Variants in RMDN2 observed in about 807,000 individuals in gnomAD.
RMDN2 encodes the protein regulator of microtubule dynamics protein 2.
A neutral mutation model predicts 52.8 loss-of-function variants in RMDN2; 61 were observed. The observed-to-expected ratio is 1.16, with a 90% confidence interval of 0.94 to 1.43. The LOEUF is 1.43. Among genes scored for constraint, RMDN2 ranks in the 40% most tolerant of loss-of-function variants. The pLI is 0.00. For synonymous variants in RMDN2, 180 were observed against 153.1 expected (o/e 1.18, Z -1.30); for missense variants, 592 against 475.3 (o/e 1.25, Z -2.28).
At chr2:38,044,778 C>A (rs1681170927) in intron 10 of RMDN2, among the ~76,000 whole-genome samples, 1 of 152,032 alleles carries the variant, frequency 6.6e-6, no homozygotes, top group African/African-American at 2.4e-5. Context: ...GATTATATTA[C>A]CCACCTATTC....
At chr2:38,050,984 A>G (rs59214244) in intron 10 of RMDN2, among the ~76,000 whole-genome samples, 41,782 of 152,008 alleles carry the variant, frequency 0.27, 7,948 homozygotes, top group East Asian at 0.78. Flanking sequence ...GCTGGTCTCA[A>G]ACTCCCAACC....
chr2:38,021,980 C>T (rs1235881029), downstream of RMDN2, among the ~76,000 whole-genome samples: 5 of 152,192 alleles, frequency 3.3e-5, no homozygotes, highest in Admixed American at 1.3e-4. Context: ...CTGTCCAATC[C>T]AGTGAGGGAG....
At chr2:38,000,819 T>A (rs1676216219) in intron 8 of RMDN2, among the ~76,000 whole-genome samples, 1 of 152,262 alleles carries the variant, frequency 6.6e-6, no homozygotes, top group Admixed American at 6.5e-5. Flanking sequence ...AATGCAAGTT[T>A]GGTATTGACA....
intron 2 of RMDN2, among the ~76,000 whole-genome samples, chr2:37,940,117 G>A (rs4670796): frequency 0.84 from 127,898 of 152,112 alleles, 54,199 homozygotes; most frequent in African/African-American, 0.93. Context: ...TCTGTAAAGG[G>A]TTTTATTTCT....
At chr2:37,923,005 T>C (rs980042272), upstream of RMDN2, among the ~76,000 whole-genome samples, 1 of 152,214 alleles carries the variant, frequency 6.6e-6, no homozygotes, top group Non-Finnish European at 1.5e-5. Flanking sequence ...TCCCAAATGA[T>C]TGTCATGCCG....
chr2:38,005,063 G>A (rs1372587044), intron 10 of RMDN2, among the ~76,000 whole-genome samples: 4 of 152,100 alleles, frequency 2.6e-5, no homozygotes, highest in Non-Finnish European at 5.9e-5. Flanking sequence ...ATTCCATGGT[G>A]TATATGTGCC....
intron 2 of RMDN2, among the ~76,000 whole-genome samples, chr2:37,949,703 CA>C (rs1398843819): frequency 6.6e-6 from 1 of 151,908 alleles, no homozygotes; most frequent in Non-Finnish European, 1.5e-5. Context: ...AGGAAGGGAG[CA>C]AAGGCTAGAG....
intron 10 of RMDN2, among the ~76,000 whole-genome samples, chr2:38,016,460 A>T (rs1372278162): frequency 6.6e-6 from 1 of 152,264 alleles, no homozygotes; most frequent in South Asian, 2.1e-4. Flanking sequence ...CAGTGTGGAA[A>T]TGCCTTCAGT....
chr2:38,053,198 T>C (rs571718263), intron 10 of RMDN2, among the ~76,000 whole-genome samples: 12 of 152,324 alleles, frequency 7.9e-5, no homozygotes, highest in African/African-American at 2.9e-4. Context: ...CTTACTCAAA[T>C]TATGATTTTT....
chr2:37,991,367 C>G, intron 7 of RMDN2, 70 bp downstream of exon 7: 1 of 753,736 alleles, frequency 1.3e-6, no homozygotes, highest in Non-Finnish European at 2.0e-6. Context: ...TTTTCAATGA[C>G]TTATTGTTTT....
At chr2:37,952,817 C>T (rs892939487) in intron 2 of RMDN2, 5 of 151,964 alleles carry the variant, frequency 3.3e-5, no homozygotes, top group Non-Finnish European at 7.4e-5. Flanking sequence ...AATACACATT[C>T]ATGTATGTGC....
chr2:37,922,508 T>C (rs17021752), upstream of RMDN2, among the ~76,000 whole-genome samples: 32,042 of 151,872 alleles, frequency 0.21, 4,473 homozygotes, highest in East Asian at 0.73. Flanking sequence ...CAAATGTACA[T>C]ACTACTTTCA....
intron 2 of RMDN2, among the ~76,000 whole-genome samples, chr2:37,945,217 C>T (rs1305699029): frequency 1.3e-5 from 2 of 152,156 alleles, no homozygotes; most frequent in Admixed American, 1.3e-4. Flanking sequence ...ACCATTAAAT[C>T]TGTAAATATA....
At chr2:38,002,024 C>A (rs1380673098) in intron 8 of RMDN2, among the ~76,000 whole-genome samples, 1 of 152,174 alleles carries the variant, frequency 6.6e-6, no homozygotes, top group Non-Finnish European at 1.5e-5. Flanking sequence ...TGTTAACCTA[C>A]CTGGTCTTAA....
At chr2:38,065,680 G>A (rs1682245399) in intron 10 of RMDN2, among the ~76,000 whole-genome samples, 1 of 152,204 alleles carries the variant, frequency 6.6e-6, no homozygotes, top group Non-Finnish European at 1.5e-5. Context: ...CTTAGGTGAT[G>A]CATGGCTATC....
In RMDN2 at chr2:37,975,434, A is replaced by G. The variant is rs1672343482; in HGVS notation, c.730+120A>G. 4 of 582,114 alleles carry G rather than the reference A, an allele frequency of 6.9e-6. No homozygotes were observed. In the Admixed American group the frequency reaches 1.2e-4, roughly 17 times the overall value. The allele number at this position is 582,114 out of a possible 1,614,324, so 36.1% of individuals were successfully genotyped here. On this transcript the variant is annotated intron_variant, in intron 4 of 10. Transcript: ENST00000354545. ...GACATGGATGAAGCTGGAAACCATCATTCTCAGCAAACTAACACAAGAACA... is the reference window on the plus strand; with the variant it reads ...GACATGGATGAAGCTGGAAACCATCGTTCTCAGCAAACTAACACAAGAACA...
intron 2 of RMDN2, chr2:37,951,094 C>A: frequency 1.3e-6 from 1 of 799,768 alleles, no homozygotes. Flanking sequence ...TCTTCTTATT[C>A]CCTGCTGTTT....
intron 2 of RMDN2, among the ~76,000 whole-genome samples, chr2:37,971,128 T>A (rs1671757553): frequency 6.6e-6 from 1 of 152,130 alleles, no homozygotes; most frequent in Non-Finnish European, 1.5e-5. Flanking sequence ...AACCATTGCT[T>A]AATCCAAGAT....
intron 4 of RMDN2, among the ~76,000 whole-genome samples, chr2:37,980,298 A>G (rs886861406): frequency 4.6e-5 from 7 of 151,922 alleles, no homozygotes; most frequent in Non-Finnish European, 1.0e-4. Context: ...CCAAATTATT[A>G]TTATTTTTGG....
Sources: allele counts gnomAD v4.1 joint callset (sites outside exome capture counted in the v4.1 genomes callset), GRCh38; gene constraint gnomAD v4.1.1; transcripts MANE v1.5; gene names NCBI Gene and HGNC (gene_info 2026-07-23, HGNC 2026-07-21).